SAXO1: variants seen among roughly 807,000 people sequenced by gnomAD.
SAXO1 encodes 4930500O09Rik.
A neutral mutation model predicts 17.5 loss-of-function variants in SAXO1; 21 were observed. The observed-to-expected ratio is 1.20, with a 90% CI of 0.85 to 1.72. SAXO1 has a LOEUF of 1.72. Among genes scored for constraint, SAXO1 ranks in the 40% most tolerant of loss-of-function variants. The pLI is 0.00. For missense variants in SAXO1, 843 were observed against 596.0 expected (o/e 1.41, Z -4.32); for synonymous variants, 274 against 216.5 (o/e 1.27, Z -2.33).
At chr9:18,998,463 T>C (rs1834103632) in intron 1 of SAXO1, among the ~76,000 whole-genome samples, 1 of 152,164 alleles carries the variant, frequency 6.6e-6, no homozygotes, top group Non-Finnish European at 1.5e-5. Context: ...TTTGGGACTA[T>C]GTGAAAAGAC....
chr9:19,002,426 G>A (rs952521088), intron 1 of SAXO1, among the ~76,000 whole-genome samples: 1 of 152,152 alleles, frequency 6.6e-6, no homozygotes, highest in Non-Finnish European at 1.5e-5. Context: ...CCAAAGCCTG[G>A]CAGAGACACA....
At chr9:18,999,145 A>G (rs1389035603) in intron 1 of SAXO1, among the ~76,000 whole-genome samples, 1 of 152,264 alleles carries the variant, frequency 6.6e-6, no homozygotes, top group Admixed American at 6.5e-5. Context: ...GCTCCAATTA[A>G]AAGACACAGA....
intron 1 of SAXO1, among the ~76,000 whole-genome samples, chr9:19,015,023 C>G (rs534989097): frequency 2.0e-5 from 3 of 152,082 alleles, no homozygotes; most frequent in African/African-American, 4.8e-5. Flanking sequence ...AGCTAAAAAA[C>G]GAGAGAGAGT....
At chr9:18,937,905 CA>C (rs920558398) in intron 3 of SAXO1, among the ~76,000 whole-genome samples, 4 of 151,088 alleles carry the variant, frequency 2.6e-5, no homozygotes, top group African/African-American at 7.3e-5. Flanking sequence ...AAGTAGTATT[CA>C]AAAAAAAACC....
In SAXO1 at chr9:18,928,972, T is replaced by C. The variant is rs143758135; in HGVS notation, c.505A>G (p.Asn169Asp). 5.6e-6 allele frequency: 9 copies of C among 1,613,906 alleles called. No homozygotes were observed. The African/African-American group carries it at 8.0e-5, about 14-fold the overall frequency. The stretch of plus-strand genomic sequence containing the variant: ...TAATCGTCCTGGTGTGTGGTTCTGT[T>C]ATCAAACCTGACTGATGCCGGCTGG... ...KYQPASVRFDNRTTHQDDYPI... is the reference protein window; with the variant it reads ...KYQPASVRFDDRTTHQDDYPI... Residue 169 changes from asparagine (N) to aspartate (D), a missense_variant, in exon 4 of 4, where the codon AAC (asparagine) becomes GAC (aspartate). Transcript: ENST00000380534.
chr9:19,041,551 CAG>C (rs1836080697), intron 1 of SAXO1, among the ~76,000 whole-genome samples: 1 of 152,170 alleles, frequency 6.6e-6, no homozygotes, highest in Non-Finnish European at 1.5e-5. Flanking sequence ...AGTTATACTA[CAG>C]AGTTATGGTA....
chr9:19,025,245 G>C, intron 1 of SAXO1, among the ~76,000 whole-genome samples: 1 of 152,032 alleles, frequency 6.6e-6, no homozygotes, highest in Non-Finnish European at 1.5e-5. Context: ...TCATCAGCAA[G>C]TATCTGTTAA....
At chr9:19,034,065 C>T (rs80277042), upstream of SAXO1, among the ~76,000 whole-genome samples, 3 of 152,324 alleles carry the variant, frequency 2.0e-5, 1 homozygote, top group East Asian at 5.8e-4. Flanking sequence ...GGTCATGAAG[C>T]AAGTTCAAAA....
At chr9:18,968,891 A>C (rs1381715378) in intron 1 of SAXO1, among the ~76,000 whole-genome samples, 1 of 152,054 alleles carries the variant, frequency 6.6e-6, no homozygotes, top group Non-Finnish European at 1.5e-5. Context: ...CCTGCACCCA[A>C]CCAAAAATAT....
At chr9:19,029,848 A>G (rs971765588) in intron 1 of SAXO1, among the ~76,000 whole-genome samples, 2 of 152,216 alleles carry the variant, frequency 1.3e-5, no homozygotes, top group Non-Finnish European at 2.9e-5. Context: ...TCTAAATCTT[A>G]CATTCCTAAC....
chr9:18,944,126 A>G (rs1234039535), intron 2 of SAXO1, among the ~76,000 whole-genome samples: 1 of 152,126 alleles, frequency 6.6e-6, no homozygotes, highest in Non-Finnish European at 1.5e-5. Flanking sequence ...TTCCAGTATA[A>G]AATTTAAGTT....
At chr9:18,988,849 T>C (rs1232498121) in intron 1 of SAXO1, among the ~76,000 whole-genome samples, 1 of 152,208 alleles carries the variant, frequency 6.6e-6, no homozygotes. Context: ...ATTCGCTTTA[T>C]AATGATTCAC....
chr9:18,949,456 TA>T (rs869047623), intron 2 of SAXO1, among the ~76,000 whole-genome samples: 4 of 151,830 alleles, frequency 2.6e-5, no homozygotes, highest in African/African-American at 7.2e-5. Flanking sequence ...AACCTTGTTT[TA>T]AAAAAAAAAT....
chr9:18,979,324 TAAAG>T lies in SAXO1; in HGVS notation c.39-28391_39-28388del, dbSNP rs1286621893. On this transcript the variant is annotated intron_variant, in intron 1 of 3. Coordinates refer to ENST00000380534, the MANE Select transcript of SAXO1 (RefSeq NM_153707.4). ...CTAAATGGACCTGAGAAGAAGGAAA[TAAAG>T]ACATACTTGTTTTCATGTGAGGGTA... Among the ~76,000 whole-genome samples the T allele has an allele frequency of 2.6e-5, 4 of 152,042 alleles. No homozygotes were observed. In the East Asian group the frequency reaches 7.7e-4, roughly 29 times the overall value.
chr9:19,037,961 T>A, upstream of SAXO1, among the ~76,000 whole-genome samples: 1 of 152,100 alleles, frequency 6.6e-6, no homozygotes, highest in East Asian at 1.9e-4. Context: ...TTCCACCCAA[T>A]GAAAGGACAA....
intron 1 of SAXO1, among the ~76,000 whole-genome samples, chr9:19,011,853 T>TTTG (rs1386540741): frequency 2.7e-5 from 4 of 150,152 alleles, no homozygotes; most frequent in South Asian, 2.1e-4. Context: ...GCATAGATTT[T>TTTG]TTTTTTTTTT....
chr9:19,005,461 G>C (rs1834446569), intron 1 of SAXO1, among the ~76,000 whole-genome samples: 1 of 152,118 alleles, frequency 6.6e-6, no homozygotes. Flanking sequence ...ATAGAGCCCA[G>C]AAATAAACCC....
chr9:18,947,440 A>AT (rs1462365236), intron 2 of SAXO1, among the ~76,000 whole-genome samples: 1 of 152,054 alleles, frequency 6.6e-6, no homozygotes, highest in Non-Finnish European at 1.5e-5. Context: ...AGCCACACCC[A>AT]TCAAGTCTGA....
intron 1 of SAXO1, among the ~76,000 whole-genome samples, chr9:18,996,928 T>G (rs971431525): frequency 1.3e-4 from 19 of 151,924 alleles, no homozygotes; most frequent in Admixed American, 5.9e-4. Flanking sequence ...TGACATGATC[T>G]CATATGTAAA....
Sources: allele counts gnomAD v4.1 joint callset (sites outside exome capture counted in the v4.1 genomes callset), GRCh38; gene constraint gnomAD v4.1.1; transcripts MANE v1.5; gene names NCBI Gene and HGNC (gene_info 2026-07-23, HGNC 2026-07-21).